Variants in COL24A1 observed in about 807,000 individuals in gnomAD.
The protein encoded by COL24A1 is collagen type XXIV alpha 1 chain.
A neutral mutation model predicts 253.9 loss-of-function variants in COL24A1; 224 were observed. The ratio of observed to expected loss-of-function variants is 0.88; its 90% CI spans 0.79 to 0.99. COL24A1 has a LOEUF of 0.99. COL24A1 is among the 50% of genes least tolerant of loss of function. COL24A1 has a pLI of 0.00. For synonymous variants in COL24A1, 685 were observed against 673.7 expected, an observed-to-expected ratio of 1.02 and a Z score of -0.26; for missense variants, 2,131 against 2,068.5, an observed-to-expected ratio of 1.03 and a Z score of -0.59.
At position 86,130,389 on chromosome 1, in the gene COL24A1, T is replaced by A. The variant is rs555451675; in HGVS notation, c.122-4175A>T. Among the ~76,000 whole-genome samples the A allele has an allele frequency of 2.6e-5, 4 of 152,096 alleles. No individual in the cohort carries two copies. In the South Asian group the frequency reaches 8.3e-4, roughly 32 times the overall value. ...TTGTTTAATCTGTTGTATTATTTTATGTTTTACCACTTTAATTTTTTGAAG... is the reference window on the plus strand; with the variant it reads ...TTGTTTAATCTGTTGTATTATTTTAAGTTTTACCACTTTAATTTTTTGAAG... On this transcript the variant is annotated intron_variant, in intron 2 of 59. Coordinates refer to ENST00000370571, the MANE Select transcript of COL24A1 (RefSeq NM_152890.7).
intron 47 of COL24A1, among the ~76,000 whole-genome samples, chr1:85,800,249 C>T (rs940810584): frequency 6.6e-6 from 1 of 152,150 alleles, no homozygotes; most frequent in Non-Finnish European, 1.5e-5. Flanking sequence ...AATTTATTCT[C>T]TGGTCATTGC....
chr1:86,032,651 T>C (rs935889109), intron 13 of COL24A1, among the ~76,000 whole-genome samples: 6 of 152,166 alleles, frequency 3.9e-5, no homozygotes, highest in African/African-American at 1.4e-4. Flanking sequence ...ATGTCCTTCT[T>C]TTTTTGCATT....
chr1:86,019,582 C>A (rs1359416), intron 18 of COL24A1, among the ~76,000 whole-genome samples: 3 of 151,452 alleles, frequency 2.0e-5, no homozygotes, highest in East Asian at 3.9e-4. Flanking sequence ...TTAATTAAAA[C>A]AAAAAGATAC....
intron 47 of COL24A1, among the ~76,000 whole-genome samples, chr1:85,804,597 T>C (rs962666380): frequency 1.3e-5 from 2 of 152,150 alleles, no homozygotes; most frequent in African/African-American, 2.4e-5. Flanking sequence ...AGTCACACCT[T>C]GCATGGATGG....
In COL24A1 at chr1:86,077,018, T is replaced by C. The variant is rs564195912; in HGVS notation, c.1707+12156A>G. On this transcript the variant is annotated intron_variant, in intron 7 of 59. Coordinates refer to ENST00000370571, the MANE Select transcript of COL24A1 (RefSeq NM_152890.7). ...GGGATCTAATTAAACTAAAGAGCTC[T>C]GCACAGCAAAAGAAACTATCATCAG... Among the ~76,000 whole-genome samples the C allele has an allele frequency of 1.2e-3, 180 of 152,284 alleles. 3 individuals are homozygous for C. Among genetic ancestry groups the C allele is most frequent in the Middle Eastern group, 6.8e-3 (2 of 294 alleles).
chr1:86,008,491 C>T (rs951828308), intron 19 of COL24A1, among the ~76,000 whole-genome samples: 3 of 152,072 alleles, frequency 2.0e-5, no homozygotes, highest in African/African-American at 4.8e-5. Context: ...AAGCAATCCC[C>T]GGCCTATTTC....
intron 5 of COL24A1, among the ~76,000 whole-genome samples, chr1:86,110,846 G>C (rs79666716): frequency 2.7e-4 from 41 of 150,204 alleles, no homozygotes; most frequent in Non-Finnish European, 2.1e-4. Context: ...ATGGGCTGCC[G>C]CGCGGCCCAA....
At chr1:85,980,346 A>T (rs908025246) in intron 20 of COL24A1, among the ~76,000 whole-genome samples, 5 of 152,194 alleles carry the variant, frequency 3.3e-5, no homozygotes, top group African/African-American at 4.8e-5. Flanking sequence ...GAGCAATCAG[A>T]CAAGAGAAAG....
At chr1:85,966,068 A>G (rs1264639899) in intron 22 of COL24A1, among the ~76,000 whole-genome samples, 1 of 152,164 alleles carries the variant, frequency 6.6e-6, no homozygotes, top group Non-Finnish European at 1.5e-5. Flanking sequence ...GTCTAGTACA[A>G]TAATCCAAGT....
chr1:85,952,917 C>A (rs974832483), intron 24 of COL24A1, among the ~76,000 whole-genome samples: 14 of 152,218 alleles, frequency 9.2e-5, no homozygotes, highest in African/African-American at 2.6e-4. Flanking sequence ...ATCAGAACCA[C>A]AATGATTTTT....
intron 5 of COL24A1, among the ~76,000 whole-genome samples, chr1:86,111,816 G>A (rs905251193): frequency 9.9e-5 from 15 of 151,926 alleles, no homozygotes; most frequent in African/African-American, 3.4e-4. Context: ...TAGGAGGAAC[G>A]AACAACTCCA....
chr1:86,034,810 A>G (rs1698873275), intron 12 of COL24A1, among the ~76,000 whole-genome samples: 1 of 152,128 alleles, frequency 6.6e-6, no homozygotes. Context: ...TTACAATACT[A>G]CATTTTTCTC....
intron 5 of COL24A1, among the ~76,000 whole-genome samples, chr1:86,098,129 T>G (rs987244248): frequency 1.3e-5 from 2 of 152,210 alleles, no homozygotes; most frequent in African/African-American, 4.8e-5. Context: ...GTAATACATA[T>G]TTATACAGCT....
intron 35 of COL24A1, 30 bp from the exon 36 acceptor site, chr1:85,868,865 G>T: frequency 2.0e-6 from 3 of 1,467,064 alleles, no homozygotes; most frequent in East Asian, 2.4e-5. Context: ...GTATGATTGA[G>T]TTTTTTTTTG....
At chr1:85,829,503 T>A (rs1336304716) in intron 43 of COL24A1, among the ~76,000 whole-genome samples, 1 of 151,936 alleles carries the variant, frequency 6.6e-6, no homozygotes, top group Admixed American at 6.6e-5. Context: ...TCCTGGATAA[T>A]ATCCTGCAGA....
At chr1:85,793,600 T>C (rs934806118) in intron 47 of COL24A1, among the ~76,000 whole-genome samples, 6 of 152,176 alleles carry the variant, frequency 3.9e-5, no homozygotes, top group African/African-American at 1.4e-4. Flanking sequence ...TATCTTATCC[T>C]GTTTCTTTCC....
intron 45 of COL24A1, among the ~76,000 whole-genome samples, chr1:85,822,690 A>G (rs1324330589): frequency 2.6e-5 from 4 of 152,170 alleles, no homozygotes; most frequent in Admixed American, 2.0e-4. Flanking sequence ...AACTTTAGTC[A>G]GGCTCCTGAA....
intron 45 of COL24A1, among the ~76,000 whole-genome samples, chr1:85,820,972 C>T (rs1180510457): frequency 2.6e-5 from 4 of 152,186 alleles, no homozygotes; most frequent in African/African-American, 7.2e-5. Context: ...AGATACTTCA[C>T]TAGTTCTAAC....
At chr1:86,002,508 G>A (rs916824610) in intron 19 of COL24A1, among the ~76,000 whole-genome samples, 1 of 152,132 alleles carries the variant, frequency 6.6e-6, no homozygotes, top group African/African-American at 2.4e-5. Context: ...ATGTAGGATG[G>A]ACAATAGTCA....
Sources: allele counts gnomAD v4.1 joint callset (sites outside exome capture counted in the v4.1 genomes callset), GRCh38; gene constraint gnomAD v4.1.1; transcripts MANE v1.5; gene names NCBI Gene and HGNC (gene_info 2026-07-23, HGNC 2026-07-21).